The following DRC9 variants were observed in gnomAD, a reference collection of about 807,000 sequenced individuals.
DRC9 encodes dynein regulatory complex subunit 9.
At chr3:197,934,803 C>T in the DRC9 span, among the ~76,000 whole-genome samples, 1 of 124,670 alleles carries the variant, frequency 8.0e-6, no homozygotes, top group East Asian at 2.9e-4. Context: ...CCCCCTCCCC[C>T]CACCCCATCT....
chr3:197,895,984 A>AAAG, the DRC9 span, among the ~76,000 whole-genome samples: 1 of 150,418 alleles, frequency 6.6e-6, no homozygotes, highest in South Asian at 2.1e-4. Flanking sequence ...CAAAAAAAAA[A>AAAG]AAAAAAAAAT....
the DRC9 span, chr3:197,955,642 A>G: frequency 1.0e-6 from 1 of 995,766 alleles, no homozygotes; most frequent in Non-Finnish European, 1.6e-6. Context: ...CCTTACCACT[A>G]GAACATGTAA....
At chr3:197,953,561 C>T in the DRC9 span, 1 of 457,438 alleles carries the variant, frequency 2.2e-6, no homozygotes, top group East Asian at 6.9e-5. Flanking sequence ...AGTGCCTGCG[C>T]TAGTCATCCC....
At chr3:197,908,315 G>GTGA in the DRC9 span, among the ~76,000 whole-genome samples, 3 of 139,760 alleles carry the variant, frequency 2.1e-5, no homozygotes, top group Non-Finnish European at 3.1e-5. Flanking sequence ...GGTCTGAAGA[G>GTGA]CAACCCTTTC....
the DRC9 span, among the ~76,000 whole-genome samples, chr3:197,945,942 G>T: frequency 1.4e-3 from 213 of 152,172 alleles, 1 homozygote; most frequent in African/African-American, 4.8e-3. Flanking sequence ...TCTTCTTTAG[G>T]TAAATTAATG....
the DRC9 span, among the ~76,000 whole-genome samples, chr3:197,890,897 C>T: frequency 6.6e-6 from 1 of 152,172 alleles, no homozygotes; most frequent in African/African-American, 2.4e-5. Context: ...AGAGAAGGGC[C>T]AGCTCCAGAC....
chr3:197,912,705 C>G, the DRC9 span: 2 of 1,614,088 alleles, frequency 1.2e-6, no homozygotes, highest in Non-Finnish European at 1.7e-6. Flanking sequence ...ACATTTCAAT[C>G]TCTGTATGAG....
chr3:197,947,065 T>C, the DRC9 span, among the ~76,000 whole-genome samples: 253 of 152,162 alleles, frequency 1.7e-3, 2 homozygotes, highest in African/African-American at 5.0e-3. Context: ...CCTGCCTCAG[T>C]CTCCCAAAGT....
the DRC9 span, among the ~76,000 whole-genome samples, chr3:197,910,844 C>A: frequency 6.6e-6 from 1 of 151,882 alleles, no homozygotes; most frequent in Non-Finnish European, 1.5e-5. Flanking sequence ...GCTGGACGTG[C>A]GCCTGTAATC....
the DRC9 span, among the ~76,000 whole-genome samples, chr3:197,937,568 A>T: frequency 6.6e-6 from 1 of 151,466 alleles, no homozygotes; most frequent in Non-Finnish European, 1.5e-5. Flanking sequence ...AGGTTCAAGC[A>T]ATTCTCCTGC....
At chr3:197,892,431 AT>A in the DRC9 span, among the ~76,000 whole-genome samples, 3 of 152,204 alleles carry the variant, frequency 2.0e-5, no homozygotes, top group African/African-American at 7.2e-5. Flanking sequence ...CTGGTGGCTT[AT>A]AAGCGCACCT....
At chr3:197,911,254 C>A in the DRC9 span, among the ~76,000 whole-genome samples, 9 of 152,038 alleles carry the variant, frequency 5.9e-5, no homozygotes, top group African/African-American at 1.9e-4. Flanking sequence ...TTGAAGAGAC[C>A]TTGAAATTAC....
the DRC9 span, among the ~76,000 whole-genome samples, chr3:197,946,907 C>T: frequency 5.3e-5 from 8 of 152,170 alleles, no homozygotes; most frequent in Non-Finnish European, 1.0e-4. Flanking sequence ...ACTGCAACCT[C>T]TGCCTCCCAG....
chr3:197,894,336 CTA>C, the DRC9 span, among the ~76,000 whole-genome samples: 3 of 152,084 alleles, frequency 2.0e-5, no homozygotes, highest in African/African-American at 7.2e-5. Context: ...TATATTATCA[CTA>C]TATATATTTA....
the DRC9 span, among the ~76,000 whole-genome samples, chr3:197,895,551 G>C: frequency 5.3e-5 from 8 of 152,142 alleles, no homozygotes; most frequent in African/African-American, 1.9e-4. Flanking sequence ...CAAGTGTGAG[G>C]CACCATGCCC....
chr3:197,928,857 A>G, the DRC9 span, among the ~76,000 whole-genome samples: 1 of 152,228 alleles, frequency 6.6e-6, no homozygotes, highest in Admixed American at 6.5e-5. Context: ...ATAAAGCTAC[A>G]GGCCCCCCAG....
the DRC9 span, among the ~76,000 whole-genome samples, chr3:197,935,451 A>C: frequency 1.1e-5 from 1 of 88,060 alleles, no homozygotes; most frequent in Non-Finnish European, 2.1e-5. Flanking sequence ...AAAAAAAAAA[A>C]AGAAAAGAAA....
the DRC9 span, among the ~76,000 whole-genome samples, chr3:197,947,564 G>A: frequency 6.6e-6 from 1 of 152,140 alleles, no homozygotes; most frequent in African/African-American, 2.4e-5. Context: ...ATTCCTTCCA[G>A]TGGAGCCACT....
chr3:197,903,355 C>A, the DRC9 span, among the ~76,000 whole-genome samples: 76 of 152,278 alleles, frequency 5.0e-4, no homozygotes, highest in Admixed American at 1.6e-3. Context: ...AGTTAAAAAG[C>A]TTCTGCACAG....
Sources: allele counts gnomAD v4.1 joint callset (sites outside exome capture counted in the v4.1 genomes callset), GRCh38; gene constraint gnomAD v4.1.1; transcripts MANE v1.5; gene names NCBI Gene and HGNC (gene_info 2026-07-23, HGNC 2026-07-21).